Variants in SLC9C1 observed in about 807,000 individuals in gnomAD.
SLC9C1 encodes sodium/hydrogen exchanger 10.
SLC9C1 carries 97 observed loss-of-function variants against 140.9 expected under a neutral mutation model. The observed-to-expected ratio is 0.69, with a 90% CI of 0.58 to 0.82. SLC9C1 has a LOEUF of 0.82. Among genes scored for constraint, SLC9C1 ranks in the 40% least tolerant of loss-of-function variants. The pLI, the probability that SLC9C1 is intolerant of heterozygous loss-of-function variation, is 0.00. For missense variants in SLC9C1, 1,340 were observed against 1,389.3 expected (o/e 0.96, Z 0.56); for synonymous variants, 440 against 442.6 (o/e 0.99, Z 0.07).
intron 20 of SLC9C1, among the ~76,000 whole-genome samples, chr3:112,187,074 T>C (rs2077554418): frequency 6.6e-6 from 1 of 152,214 alleles, no homozygotes; most frequent in Non-Finnish European, 1.5e-5. Flanking sequence ...TTGGGCTTTT[T>C]ATAGTGTTAT....
At chr3:112,173,531 T>A (rs983365273) in intron 23 of SLC9C1, among the ~76,000 whole-genome samples, 3 of 152,194 alleles carry the variant, frequency 2.0e-5, no homozygotes, top group Non-Finnish European at 4.4e-5. Context: ...GAACATGCAG[T>A]ATTTGCTTTT....
intron 11 of SLC9C1, among the ~76,000 whole-genome samples, chr3:112,242,848 T>C (rs1390528148): frequency 3.9e-5 from 6 of 151,958 alleles, no homozygotes; most frequent in Non-Finnish European, 8.8e-5. Context: ...AAAGTCTTAA[T>C]GGGCAAAGAA....
At chr3:112,260,095 G>T (rs1437004060) in intron 10 of SLC9C1, among the ~76,000 whole-genome samples, 2 of 152,034 alleles carry the variant, frequency 1.3e-5, no homozygotes, top group Admixed American at 1.3e-4. Flanking sequence ...GAGTTATATA[G>T]AGGAGTATTA....
At chr3:112,158,540 A>C (rs1281840842) in intron 26 of SLC9C1, among the ~76,000 whole-genome samples, 1 of 152,002 alleles carries the variant, frequency 6.6e-6, no homozygotes, top group African/African-American at 2.4e-5. Flanking sequence ...TAGTAGAATA[A>C]ATTTAAAAGT....
At chr3:112,217,061 T>C (rs554116344) in intron 15 of SLC9C1, among the ~76,000 whole-genome samples, 281 of 152,234 alleles carry the variant, frequency 1.8e-3, no homozygotes, top group African/African-American at 6.3e-3. Context: ...TGTAGGGACA[T>C]GGATGAAGCT....
intron 28 of SLC9C1, among the ~76,000 whole-genome samples, chr3:112,145,551 A>G (rs113850614): frequency 6.4e-4 from 71 of 111,108 alleles, no homozygotes; most frequent in African/African-American, 2.4e-3. Context: ...TTCTTTGTAT[A>G]TCTGGTAGAA....
chr3:112,280,888 T>TGCTTGTTTTC, intron 2 of SLC9C1, 105 bp from the exon 3 acceptor site: 1 of 564,012 alleles, frequency 1.8e-6, no homozygotes, highest in Non-Finnish European at 2.8e-6. Context: ...ACAGTTTCAC[T>TGCTTGTTTTC]ACTTTTCATG....
chr3:112,236,436 A>AT (rs888361508), intron 12 of SLC9C1, among the ~76,000 whole-genome samples: 3 of 152,024 alleles, frequency 2.0e-5, no homozygotes, highest in East Asian at 1.9e-4. Context: ...GGATTCATTG[A>AT]TTTTTTGAAG....
At chr3:112,186,537 G>C (rs1273368863) in intron 20 of SLC9C1, among the ~76,000 whole-genome samples, 1 of 152,152 alleles carries the variant, frequency 6.6e-6, no homozygotes, top group East Asian at 1.9e-4. Flanking sequence ...TCCCTAGATT[G>C]ATATACAAGA....
At chr3:112,200,635 A>G (rs1576325799) in intron 19 of SLC9C1, 76 bp downstream of exon 19, 1 of 1,348,394 alleles carries the variant, frequency 7.4e-7, no homozygotes, top group East Asian at 2.3e-5. Flanking sequence ...GATTAGCTCG[A>G]GTTATGAAAA....
At chr3:112,210,648 G>A (rs2078176443) in intron 15 of SLC9C1, among the ~76,000 whole-genome samples, 1 of 152,168 alleles carries the variant, frequency 6.6e-6, no homozygotes, top group Admixed American at 6.5e-5. Context: ...TTATGTATAT[G>A]AAATTTACCT....
At chr3:112,149,287 G>A (rs1286479955) in intron 28 of SLC9C1, among the ~76,000 whole-genome samples, 1 of 151,980 alleles carries the variant, frequency 6.6e-6, no homozygotes, top group Non-Finnish European at 1.5e-5. Context: ...GGGTGGCTCA[G>A]GCTGTTGAAA....
Position 112,278,764 on chromosome 3 carries a change from T to C in SLC9C1, c.283A>G (p.Met95Val), listed in dbSNP as rs1221563655. 3.1e-6 allele frequency: 5 copies of C among 1,610,566 alleles called. No homozygotes were observed. The African/African-American group carries it at 6.7e-5, about 22-fold the overall frequency. Reference sequence around the variant, plus strand: ...AACTTTTGAAGCATGTACGTATCCATGTCAAATGCAGTAGTAAAGAAAACT... The same window carrying C: ...AACTTTTGAAGCATGTACGTATCCACGTCAAATGCAGTAGTAAAGAAAACT... ...PVVFFTTAFD[M>V]DTYMLQKLFW... Residue 95 changes from methionine to valine, a missense_variant, in exon 4 of 29, where the codon ATG becomes GTG. Met to Val is a conservative substitution (Grantham distance 21). Coordinates refer to ENST00000305815, the MANE Select transcript of SLC9C1 (RefSeq NM_183061.3).
chr3:112,253,297 A>C (rs1209015196), intron 10 of SLC9C1, among the ~76,000 whole-genome samples: 1 of 152,102 alleles, frequency 6.6e-6, no homozygotes, highest in African/African-American at 2.4e-5. Flanking sequence ...ATCACACAAG[A>C]GCTGTGGTAG....
At position 112,185,854 on chromosome 3, in the gene SLC9C1, C is replaced by T. The variant is rs2077527542; in HGVS notation, c.2524-3596G>A. ...TCCTCGTAAGCAGGGCCCGGGACTG[C>T]GCGGCACAGCTCCCACTCGCCAGGC... On this transcript the variant is annotated intron_variant, in intron 20 of 28. Transcript: ENST00000305815. 9 of 1,588,858 alleles carry T rather than the reference C, an allele frequency of 5.7e-6. No homozygotes were observed. In the South Asian group the frequency reaches 1.0e-4, roughly 18 times the overall value.
chr3:112,161,824 G>A lies in SLC9C1; in HGVS notation c.3364+5397C>T, dbSNP rs545629416. Among the ~76,000 whole-genome samples, 939 of 150,574 alleles carry A rather than the reference G, an allele frequency of 6.2e-3. 14 individuals are homozygous for A. Among genetic ancestry groups the A allele is most frequent in the African/African-American group, 0.022 (898 of 41,094 alleles). ...CTGTGAAGAAAGTCATTGGTAGCTC[G>A]ATGGGGATGGCATTGAATCTGTAAA... On this transcript the variant is annotated intron_variant, in intron 26 of 28. Coordinates refer to ENST00000305815, the MANE Select transcript of SLC9C1 (RefSeq NM_183061.3).
intron 13 of SLC9C1, among the ~76,000 whole-genome samples, chr3:112,228,996 A>G (rs1340493078): frequency 6.6e-6 from 1 of 152,202 alleles, no homozygotes; most frequent in African/African-American, 2.4e-5. Flanking sequence ...TGAGCCATAA[A>G]AATGAATAAA....
In SLC9C1 at chr3:112,289,099, A is replaced by G. The variant is rs930282580; in HGVS notation, c.-87-2221T>C. Among the ~76,000 whole-genome samples, 3 of 152,252 alleles carry G rather than the reference A, an allele frequency of 2.0e-5. No individual in the cohort carries two copies. The South Asian group carries it at 6.2e-4, about 32-fold the overall frequency. ...CGCTCAATTCAGACAACATTGCTCA[A>G]TTTTTAGTCTCAAAGCCAGCTTCTT... On this transcript the variant is annotated intron_variant, in intron 1 of 28. Coordinates refer to ENST00000305815, the MANE Select transcript of SLC9C1 (RefSeq NM_183061.3).
intron 10 of SLC9C1, among the ~76,000 whole-genome samples, chr3:112,246,279 G>A (rs1288961730): frequency 3.9e-5 from 6 of 152,078 alleles, no homozygotes; most frequent in Non-Finnish European, 8.8e-5. Context: ...TTAAGCTTTT[G>A]TAGAGTGTGG....
Sources: allele counts gnomAD v4.1 joint callset (sites outside exome capture counted in the v4.1 genomes callset), GRCh38; gene constraint gnomAD v4.1.1; transcripts MANE v1.5; gene names NCBI Gene and HGNC (gene_info 2026-07-23, HGNC 2026-07-21).